Variants in PTPRD observed in about 807,000 individuals in gnomAD.
PTPRD encodes receptor-type tyrosine-protein phosphatase delta.
In PTPRD, 34 loss-of-function variants were observed where a neutral mutation model predicts 214.5. That is an observed-to-expected ratio of 0.16 (90% CI 0.12 to 0.21). The LOEUF (loss-of-function observed/expected upper bound fraction) is 0.21. Ranked by LOEUF, PTPRD falls within the 10% of genes least tolerant of loss-of-function variation. PTPRD has a pLI of 1.00. For missense variants in PTPRD, 2,545 were observed against 2,398.7 expected (o/e 1.06, Z -1.27); for synonymous variants, 1,128 against 845.7 (o/e 1.33, Z -5.79).
chr9:8,722,920 A>G (rs1278264231), intron 12 of PTPRD, among the ~76,000 whole-genome samples: 2 of 152,220 alleles, frequency 1.3e-5, no homozygotes, highest in Non-Finnish European at 2.9e-5. Context: ...AATTTCAGTT[A>G]AGCTGTTTAG....
At chr9:10,429,064 A>T (rs963781046) in intron 2 of PTPRD, among the ~76,000 whole-genome samples, 7 of 152,138 alleles carry the variant, frequency 4.6e-5, no homozygotes, top group Non-Finnish European at 1.0e-4. Flanking sequence ...ATGTGATGAT[A>T]AAAATTTAAA....
intron 34 of PTPRD, chr9:8,437,315 T>C: frequency 1.7e-6 from 2 of 1,195,378 alleles, no homozygotes; most frequent in Admixed American, 2.6e-5. Context: ...GAAAGCCTGA[T>C]ATATTTTTTA....
intron 10 of PTPRD, among the ~76,000 whole-genome samples, chr9:9,182,339 T>G (rs2099928678): frequency 6.6e-6 from 1 of 152,070 alleles, no homozygotes; most frequent in Non-Finnish European, 1.5e-5. Context: ...GACGGTGATA[T>G]TCTTTTCTTT....
At chr9:10,393,536 A>G (rs1050274840) in intron 2 of PTPRD, among the ~76,000 whole-genome samples, 5 of 151,344 alleles carry the variant, frequency 3.3e-5, no homozygotes, top group Admixed American at 2.6e-4. Context: ...CATGCCTCTA[A>G]TCCCAGCACT....
chr9:9,675,711 G>C (rs1161628504), intron 7 of PTPRD, among the ~76,000 whole-genome samples: 1 of 151,894 alleles, frequency 6.6e-6, no homozygotes, highest in Non-Finnish European at 1.5e-5. Context: ...AAAGAAAATA[G>C]GTCCACCAAA....
intron 7 of PTPRD, among the ~76,000 whole-genome samples, chr9:9,650,539 G>C (rs1245253226): frequency 2.6e-5 from 4 of 151,892 alleles, no homozygotes; most frequent in African/African-American, 9.7e-5. Flanking sequence ...TTGTATCTTT[G>C]GCAGGTTTTG....
At chr9:10,406,812 TGTTAG>T (rs1184251802) in intron 2 of PTPRD, among the ~76,000 whole-genome samples, 1 of 57,022 alleles carries the variant, frequency 1.8e-5, no homozygotes, top group African/African-American at 4.2e-5. Context: ...TTTTGAAAAT[TGTTAG>T]ACTAAAGATG....
At chr9:8,578,842 T>C (rs2092750969) in intron 14 of PTPRD, among the ~76,000 whole-genome samples, 1 of 152,222 alleles carries the variant, frequency 6.6e-6, no homozygotes, top group Non-Finnish European at 1.5e-5. Flanking sequence ...AGTACAGGAG[T>C]TAAACTTCAA....
chr9:10,036,789 G>C (rs987571720), intron 3 of PTPRD, among the ~76,000 whole-genome samples: 1 of 151,924 alleles, frequency 6.6e-6, no homozygotes, highest in Non-Finnish European at 1.5e-5. Context: ...TCATCATGTT[G>C]GCCAGGATGG....
At chr9:8,469,540 G>C (rs2096612206) in intron 31 of PTPRD, among the ~76,000 whole-genome samples, 2 of 152,034 alleles carry the variant, frequency 1.3e-5, no homozygotes, top group South Asian at 4.1e-4. Flanking sequence ...TGATTAGTCA[G>C]TTGCAAGTAA....
intron 9 of PTPRD, among the ~76,000 whole-genome samples, chr9:9,259,276 C>A (rs1290610634): frequency 6.6e-6 from 1 of 151,746 alleles, no homozygotes; most frequent in Admixed American, 6.6e-5. Flanking sequence ...AGAGAAAGAC[C>A]CACAGAGGTA....
chr9:8,808,548 G>T (rs1451705357), intron 11 of PTPRD, among the ~76,000 whole-genome samples: 1 of 128,974 alleles, frequency 7.8e-6, no homozygotes, highest in Non-Finnish European at 1.5e-5. Context: ...GTACACTAAA[G>T]CCCAGAGACA....
intron 14 of PTPRD, among the ~76,000 whole-genome samples, chr9:8,585,767 A>T (rs912700095): frequency 2.0e-5 from 3 of 152,156 alleles, no homozygotes; most frequent in African/African-American, 7.2e-5. Context: ...AAATGCTTGC[A>T]TTTTGCCAGG....
At chr9:10,357,389 T>C (rs978439148) in intron 2 of PTPRD, among the ~76,000 whole-genome samples, 2 of 152,252 alleles carry the variant, frequency 1.3e-5, no homozygotes, top group East Asian at 1.9e-4. Flanking sequence ...GAATGAATTC[T>C]AGTGTTCAAT....
intron 3 of PTPRD, among the ~76,000 whole-genome samples, chr9:10,253,586 T>C (rs1395633146): frequency 3.3e-5 from 5 of 152,354 alleles, no homozygotes; most frequent in Non-Finnish European, 5.9e-5. Flanking sequence ...TTGAGTTTCA[T>C]CGCTCAGCTT....
At chr9:8,709,405 C>T (rs1007377386) in intron 12 of PTPRD, among the ~76,000 whole-genome samples, 33 of 150,914 alleles carry the variant, frequency 2.2e-4, no homozygotes, top group Non-Finnish European at 4.1e-4. Context: ...GTCCCAGCTA[C>T]TCGGGAGGCT....
chr9:8,495,048 C>G (rs1364899839), intron 26 of PTPRD, among the ~76,000 whole-genome samples: 1 of 151,744 alleles, frequency 6.6e-6, no homozygotes, highest in African/African-American at 2.4e-5. Context: ...AAAAAAGAAA[C>G]TGCATTCATT....
At chr9:8,862,601 C>T (rs1218601103) in intron 11 of PTPRD, among the ~76,000 whole-genome samples, 2 of 152,122 alleles carry the variant, frequency 1.3e-5, no homozygotes, top group African/African-American at 2.4e-5. Flanking sequence ...TCTTTACAAA[C>T]AAGTGGGCTT....
intron 39 of PTPRD, among the ~76,000 whole-genome samples, chr9:8,342,361 G>T (rs1481007089): frequency 6.6e-6 from 1 of 152,044 alleles, no homozygotes; most frequent in African/African-American, 2.4e-5. Flanking sequence ...GATCTGGCTA[G>T]GCTATAGTTC....
Sources: allele counts gnomAD v4.1 joint callset (sites outside exome capture counted in the v4.1 genomes callset), GRCh38; gene constraint gnomAD v4.1.1; transcripts MANE v1.5; gene names NCBI Gene and HGNC (gene_info 2026-07-23, HGNC 2026-07-21).